Variants in NFIA observed in about 807,000 individuals in gnomAD.
The protein encoded by NFIA is nuclear factor 1 A-type.
NFIA carries 8 observed loss-of-function variants against 62.8 expected under a neutral mutation model. The observed-to-expected ratio is 0.13, with a 90% CI of 0.07 to 0.23. The LOEUF (loss-of-function observed/expected upper bound fraction) is 0.23. Among genes scored for constraint, NFIA ranks in the 10% least tolerant of loss-of-function variants. NFIA has a pLI of 1.00. For synonymous variants in NFIA, 235 were observed against 238.1 expected (o/e 0.99, Z 0.12); for missense variants, 410 against 642.1 (o/e 0.64, Z 3.91).
chr1:61,329,179 C>G (rs1488669457), intron 3 of NFIA, among the ~76,000 whole-genome samples: 2 of 150,868 alleles, frequency 1.3e-5, no homozygotes, highest in Admixed American at 6.6e-5. Context: ...TCCTGAGTAG[C>G]TGGGATTACA....
At chr1:61,107,500 T>C (rs967619567) in intron 2 of NFIA, among the ~76,000 whole-genome samples, 3 of 151,752 alleles carry the variant, frequency 2.0e-5, no homozygotes, top group African/African-American at 7.2e-5. Context: ...TGTCATTTAT[T>C]CATTTTTTTC....
At chr1:61,363,822 G>GTTAGGTC (rs1663436656) in intron 6 of NFIA, among the ~76,000 whole-genome samples, 1 of 152,106 alleles carries the variant, frequency 6.6e-6, no homozygotes, top group South Asian at 2.1e-4. Context: ...ACCCTCAGCA[G>GTTAGGTC]TTAGGTCTTT....
chr1:61,411,411 A>G (rs973571583), intron 9 of NFIA, among the ~76,000 whole-genome samples: 1 of 152,186 alleles, frequency 6.6e-6, no homozygotes, highest in Non-Finnish European at 1.5e-5. Flanking sequence ...TTAGGATACT[A>G]TGACAAATGG....
chr1:61,088,453 A>G lies in NFIA; in HGVS notation c.332A>G (p.Lys111Arg). 6.2e-7 allele frequency: 1 copy of G among 1,614,086 alleles called. No homozygotes were observed. The highest frequency in any genetic ancestry group is 8.5e-7 in the Non-Finnish European group (1 of 1,180,008). ...TGTGTTCTTTCCAACCCAGACCAGA[A>G]AGGCAAGATGCGAAGAATTGACTGC... ...PCCVLSNPDQ[K>R]GKMRRIDCLR... The change falls in exon 2 of 11, where the codon AAA becomes AGA. Residue 111 changes from lysine (K) to arginine (R), a missense_variant. Physicochemically the swap from Lys to Arg is conservative, Grantham distance 26. Transcript: ENST00000403491. The surrounding 1 kb of genome is among the most constrained non-coding windows in gnomAD (Gnocchi z 4.5).
At chr1:61,136,225 T>C (rs938356102) in intron 2 of NFIA, among the ~76,000 whole-genome samples, 2 of 152,208 alleles carry the variant, frequency 1.3e-5, no homozygotes, top group African/African-American at 4.8e-5. Flanking sequence ...TTAATCAAAC[T>C]CTCTGCATTC....
intron 2 of NFIA, among the ~76,000 whole-genome samples, chr1:61,090,522 C>T (rs1029133994): frequency 1.3e-5 from 2 of 152,136 alleles, no homozygotes; most frequent in Non-Finnish European, 2.9e-5. Flanking sequence ...CATTACGTGC[C>T]TTCTTTTTCG....
At chr1:61,095,526 C>T (rs1259994810) in intron 2 of NFIA, among the ~76,000 whole-genome samples, 3 of 152,246 alleles carry the variant, frequency 2.0e-5, no homozygotes, top group Admixed American at 2.0e-4. Context: ...GTATCACACA[C>T]CTGTCTTGAA....
chr1:61,405,323 T>C (rs1187309499), intron 8 of NFIA, among the ~76,000 whole-genome samples: 1 of 152,220 alleles, frequency 6.6e-6, no homozygotes, highest in African/African-American at 2.4e-5. Context: ...CATTCACTTA[T>C]GGACTCTCAG....
intron 4 of NFIA, among the ~76,000 whole-genome samples, chr1:61,347,033 CATGTGGA>C: frequency 6.6e-6 from 1 of 152,244 alleles, no homozygotes; most frequent in East Asian, 1.9e-4. Flanking sequence ...CCACCCTTGA[CATGTGGA>C]AATTACAATT....
intron 9 of NFIA, among the ~76,000 whole-genome samples, chr1:61,412,401 G>A (rs180915669): frequency 2.1e-3 from 321 of 152,302 alleles, no homozygotes; most frequent in African/African-American, 7.3e-3. Context: ...CTGCACCAAC[G>A]TGGGAGCAAT....
At chr1:61,207,943 G>A (rs2100599347) in intron 2 of NFIA, among the ~76,000 whole-genome samples, 1 of 151,142 alleles carries the variant, frequency 6.6e-6, no homozygotes, top group East Asian at 1.9e-4. Flanking sequence ...CACCCAGTTG[G>A]ATAGTGGTAT....
At chr1:61,455,095 A>C (rs1376909246) in intron 10 of NFIA, among the ~76,000 whole-genome samples, 3 of 152,174 alleles carry the variant, frequency 2.0e-5, no homozygotes, top group Non-Finnish European at 4.4e-5. Flanking sequence ...GGAAAACCCC[A>C]ATGAAGACAA....
chr1:61,082,414 G>A, upstream of NFIA: 2 of 932,628 alleles, frequency 2.1e-6, no homozygotes, highest in African/African-American at 1.8e-5. Context: ...CGGCTGTGCG[G>A]TGCGGTGCAG....
At chr1:61,258,909 C>T (rs947834038) in intron 2 of NFIA, among the ~76,000 whole-genome samples, 11 of 151,686 alleles carry the variant, frequency 7.3e-5, no homozygotes, top group South Asian at 6.3e-4. Context: ...TTTGTAGAGA[C>T]GGGGTTTTGC....
intron 2 of NFIA, among the ~76,000 whole-genome samples, chr1:61,209,915 A>C (rs1324773386): frequency 1.3e-5 from 2 of 152,206 alleles, no homozygotes; most frequent in African/African-American, 4.8e-5. Context: ...AAAATGGAAG[A>C]GAAGTCAGGT....
chr1:61,427,525 A>G (rs1292289703), intron 10 of NFIA, among the ~76,000 whole-genome samples: 1 of 152,164 alleles, frequency 6.6e-6, no homozygotes, highest in Non-Finnish European at 1.5e-5. Context: ...CCTAATTTAT[A>G]ACTATTTGCC....
At chr1:61,235,964 G>A (rs1011426803) in intron 2 of NFIA, among the ~76,000 whole-genome samples, 3 of 152,160 alleles carry the variant, frequency 2.0e-5, no homozygotes, top group Non-Finnish European at 4.4e-5. Context: ...GCCTGACAAT[G>A]TGGATGACAG....
intron 1 of NFIA, among the ~76,000 whole-genome samples, chr1:61,084,260 A>G (rs1646178765): frequency 1.3e-5 from 2 of 152,266 alleles, no homozygotes; most frequent in South Asian, 4.1e-4. Flanking sequence ...TTCTGGATTT[A>G]TTTCCCACAT....
At chr1:61,246,039 C>T (rs765935503) in intron 2 of NFIA, among the ~76,000 whole-genome samples, 16 of 152,110 alleles carry the variant, frequency 1.1e-4, no homozygotes, top group Non-Finnish European at 1.8e-4. Context: ...TAACTAAATC[C>T]GGCACATAAT....
Sources: gnomAD v4.1 joint callset for allele counts (sites outside exome capture counted in the v4.1 genomes callset) on GRCh38, gnomAD v4.1.1 for gene constraint, Gnocchi (gnomAD v3.1) non-coding constraint, MANE v1.5 for transcripts, NCBI Gene and HGNC (gene_info 2026-07-23, HGNC 2026-07-21) for gene names.